Variants in VWC2L observed in about 807,000 individuals in gnomAD.
VWC2L encodes von Willebrand factor C domain-containing protein 2-like.
In VWC2L, 10 loss-of-function variants were observed where a neutral mutation model predicts 21.6. The ratio of observed to expected loss-of-function variants is 0.46; its 90% CI spans 0.29 to 0.78. VWC2L has a LOEUF of 0.78. Ranked by LOEUF, VWC2L falls within the 30% of genes least tolerant of loss-of-function variation. VWC2L has a pLI of 0.10. For synonymous variants in VWC2L, 96 were observed against 94.3 expected (o/e 1.02, Z -0.10); for missense variants, 209 against 277.1 (o/e 0.75, Z 1.74).
chr2:214,470,916 CAAAAAAAAAAAAAA>C (rs56041924), intron 3 of VWC2L, among the ~76,000 whole-genome samples: 8 of 50,794 alleles, frequency 1.6e-4, no homozygotes, highest in South Asian at 2.7e-3. Flanking sequence ...AACTCCATCT[CAAAAAAAAAAAAAA>C]AAAAAAAAAA....
At chr2:214,498,829 CA>C (rs1176775431) in intron 3 of VWC2L, among the ~76,000 whole-genome samples, 2 of 150,050 alleles carry the variant, frequency 1.3e-5, no homozygotes, top group African/African-American at 4.9e-5. Flanking sequence ...TATATATGTG[CA>C]AAAAAACCCA....
At chr2:214,522,443 T>A (rs2105911891) in intron 3 of VWC2L, among the ~76,000 whole-genome samples, 1 of 152,074 alleles carries the variant, frequency 6.6e-6, no homozygotes, top group East Asian at 1.9e-4. Context: ...TTCTATTTCT[T>A]TATATTCAAT....
chr2:214,543,912 T>C (rs1689665135), intron 3 of VWC2L, among the ~76,000 whole-genome samples: 1 of 152,190 alleles, frequency 6.6e-6, no homozygotes, highest in Admixed American at 6.5e-5. Flanking sequence ...TACCCAGAAG[T>C]ATGTTTACTT....
chr2:214,444,988 A>G (rs1433386121), intron 3 of VWC2L, among the ~76,000 whole-genome samples: 1 of 151,996 alleles, frequency 6.6e-6, no homozygotes, highest in African/African-American at 2.4e-5. Flanking sequence ...AATAGTTTCT[A>G]AAAGAAAAAA....
intron 3 of VWC2L, among the ~76,000 whole-genome samples, chr2:214,477,446 C>G (rs1385142637): frequency 6.6e-6 from 1 of 151,052 alleles, no homozygotes; most frequent in Non-Finnish European, 1.5e-5. Context: ...TTACAACCCC[C>G]TCCTGATTTA....
chr2:214,576,294 G>A lies in VWC2L; in HGVS notation c.*474G>A, dbSNP rs1690228430. 1 of 151,942 alleles carries A rather than the reference G, an allele frequency of 6.6e-6. No individual in the cohort carries two copies. The highest frequency in any genetic ancestry group is 1.5e-5 in the Non-Finnish European group (1 of 68,020). The allele number at this position is 151,942 out of a possible 1,614,324, so 9.4% of individuals were successfully genotyped here. On this transcript the variant is annotated 3_prime_UTR_variant, in exon 4 of 4. Transcript: ENST00000312504. The stretch of plus-strand genomic sequence containing the variant: ...AGTTTTGAGTTGTGTAAAAAAAAAA[G>A]TTTGGTAAAGGAATGTCAGGGGAAA...
At chr2:214,531,420 G>A (rs1251346120) in intron 3 of VWC2L, among the ~76,000 whole-genome samples, 2 of 152,240 alleles carry the variant, frequency 1.3e-5, no homozygotes, top group Non-Finnish European at 1.5e-5. Flanking sequence ...CCAAATGTAT[G>A]GAAGAACAGG....
chr2:214,415,652 G>A (rs889200563), intron 2 of VWC2L, among the ~76,000 whole-genome samples: 1 of 152,064 alleles, frequency 6.6e-6, no homozygotes, highest in African/African-American at 2.4e-5. Flanking sequence ...ATCATCATTA[G>A]CATAATCTGT....
intron 3 of VWC2L, among the ~76,000 whole-genome samples, chr2:214,440,341 T>C (rs1225204971): frequency 6.6e-6 from 1 of 152,028 alleles, no homozygotes; most frequent in Non-Finnish European, 1.5e-5. Context: ...CTCTTTCCTT[T>C]ACACAGCTCC....
chr2:214,411,155 T>C lies in VWC2L; in HGVS notation c.-712T>C, dbSNP rs918701345. 5 of 152,190 alleles carry C rather than the reference T, an allele frequency of 3.3e-5. No individual in the cohort carries two copies. Among genetic ancestry groups the C allele is most frequent in the African/African-American group, 1.2e-4 (5 of 41,440 alleles). The allele number at this position is 152,190 out of a possible 1,614,324, so 9.4% of individuals were successfully genotyped here. A position where few individuals can be genotyped will look rare whatever the true frequency, so the allele number is the denominator to read the frequency against. ...GAGGAATTCCCGGCTGCCGGCAGAA[T>C]GAGCTCCAAATCAGCAATCTGCAAA... is the stretch of plus-strand genomic sequence containing the variant. On this transcript the variant is annotated 5_prime_UTR_variant, in exon 1 of 4. It removes an upstream start codon present in the reference 5' UTR. Transcript: ENST00000312504.
chr2:214,442,493 T>C (rs1435331197), intron 3 of VWC2L, among the ~76,000 whole-genome samples: 1 of 152,148 alleles, frequency 6.6e-6, no homozygotes, highest in Middle Eastern at 3.2e-3. Context: ...TTTTGCATGT[T>C]GCATTGATAA....
chr2:214,526,238 A>AAAAGTTACATATTTAGAAGG (rs1689333530), intron 3 of VWC2L, among the ~76,000 whole-genome samples: 1 of 151,996 alleles, frequency 6.6e-6, no homozygotes, highest in Non-Finnish European at 1.5e-5. Context: ...ATTTAGGGGG[A>AAAAGTTACATATTTAGAAGG]AAAGTTACAT....
rs1415283440 is a variant in VWC2L at position 214,578,359 on chromosome 2, G to A, written c.*2539G>A. 6.6e-6 allele frequency: 1 copy of A among 152,198 alleles called. No homozygotes were observed. The highest frequency in any genetic ancestry group is 6.5e-5 in the Admixed American group (1 of 15,272). 9.4% of individuals were successfully genotyped at this position (152,198 alleles called of 1,614,324 possible). On this transcript the variant is annotated 3_prime_UTR_variant, in exon 4 of 4. Coordinates refer to ENST00000312504, the MANE Select transcript of VWC2L (RefSeq NM_001080500.4). ...TAGAATTGAATGGGACATCCATTAA[G>A]GATCTCTCTTCAGAGAGTTTGCAGA...
chr2:214,504,240 A>G (rs1371646196), intron 3 of VWC2L, among the ~76,000 whole-genome samples: 1 of 152,242 alleles, frequency 6.6e-6, no homozygotes, highest in Non-Finnish European at 1.5e-5. Flanking sequence ...ATCAGAATGT[A>G]CAAGGTAAAC....
intron 2 of VWC2L, 138 bp downstream of exon 2, chr2:214,414,721 A>ATGGTGCTACTTATGG: frequency 1.1e-6 from 1 of 951,476 alleles, no homozygotes; most frequent in Non-Finnish European, 1.5e-6. Flanking sequence ...TCTAATTACC[A>ATGGTGCTACTTATGG]TAAGTAGCAC....
intron 3 of VWC2L, among the ~76,000 whole-genome samples, chr2:214,483,615 A>G (rs547674129): frequency 6.6e-6 from 1 of 152,344 alleles, no homozygotes; most frequent in South Asian, 2.1e-4. Context: ...ACTTAAATAG[A>G]TCACTGCTTC....
chr2:214,540,691 G>C (rs1689612858), intron 3 of VWC2L, among the ~76,000 whole-genome samples: 1 of 152,174 alleles, frequency 6.6e-6, no homozygotes, highest in Admixed American at 6.5e-5. Flanking sequence ...AGGAATCCCA[G>C]AGAAATTAAT....
At chr2:214,522,374 C>CAA (rs5838440) in intron 3 of VWC2L, among the ~76,000 whole-genome samples, 18,938 of 102,550 alleles carry the variant, frequency 0.18, 1,660 homozygotes, top group Middle Eastern at 0.21. Flanking sequence ...GACCCCGTCT[C>CAA]AAAAAAAAAA....
chr2:214,512,796 G>C (rs1314994510), intron 3 of VWC2L, among the ~76,000 whole-genome samples: 5 of 152,104 alleles, frequency 3.3e-5, no homozygotes, highest in African/African-American at 7.3e-5. Context: ...AACTGGAATG[G>C]AATCATTTAT....
Sources: allele counts gnomAD v4.1 joint callset (sites outside exome capture counted in the v4.1 genomes callset), GRCh38; gene constraint gnomAD v4.1.1; transcripts MANE v1.5; gene names NCBI Gene and HGNC (gene_info 2026-07-23, HGNC 2026-07-21).